GPR160: variants seen among roughly 807,000 people sequenced by gnomAD.
GPR160 encodes probable G protein-coupled receptor 160.
GPR160 carries 2 observed loss-of-function variants against 2.6 expected under a neutral mutation model. The ratio of observed to expected loss-of-function variants is 0.77; its 90% CI spans 0.32 to 2.44. The LOEUF is 2.44. Among genes scored for constraint, GPR160 ranks in the 30% most tolerant of loss-of-function variants. The probability of loss-of-function intolerance (pLI) is 0.11; values close to 1 mark genes in which losing one functional copy is unlikely to be tolerated. For missense variants in GPR160, 351 were observed against 383.6 expected, an observed-to-expected ratio of 0.91 and a Z score of 0.71; for synonymous variants, 130 against 132.2, an observed-to-expected ratio of 0.98 and a Z score of 0.12.
At chr3:170,056,013 T>C (rs1319901906) in intron 2 of GPR160, among the ~76,000 whole-genome samples, 2 of 152,254 alleles carry the variant, frequency 1.3e-5, no homozygotes, top group African/African-American at 4.8e-5. Flanking sequence ...ACTGTTCTTA[T>C]AATCCTTTGT....
At chr3:170,061,929 G>A (rs1276809260) in intron 2 of GPR160, among the ~76,000 whole-genome samples, 1 of 152,110 alleles carries the variant, frequency 6.6e-6, no homozygotes, top group African/African-American at 2.4e-5. Context: ...TGGGAGCATC[G>A]CTTGAGGCCG....
chr3:170,068,369 G>A (rs947283411), intron 2 of GPR160, among the ~76,000 whole-genome samples: 1 of 152,048 alleles, frequency 6.6e-6, no homozygotes, highest in African/African-American at 2.4e-5. Context: ...TGGCCAGGCT[G>A]GTCTCAAACT....
At chr3:170,065,491 GCAT>G (rs1712278012) in intron 2 of GPR160, among the ~76,000 whole-genome samples, 1 of 152,140 alleles carries the variant, frequency 6.6e-6, no homozygotes, top group South Asian at 2.1e-4. Context: ...CTCTTCTAAT[GCAT>G]CCCATTTCCT....
intron 2 of GPR160, among the ~76,000 whole-genome samples, chr3:170,071,688 C>T (rs545077463): frequency 2.0e-5 from 3 of 151,994 alleles, no homozygotes; most frequent in Non-Finnish European, 2.9e-5. Flanking sequence ...CCCAGCTACT[C>T]GGGAGGCTGA....
chr3:170,045,160 T>C (rs76246255), intron 2 of GPR160, among the ~76,000 whole-genome samples: 2,740 of 151,904 alleles, frequency 0.018, 97 homozygotes, highest in African/African-American at 0.063. Context: ...TTTCAGGAAA[T>C]GTCAGGTGCT....
chr3:170,044,455 T>C (rs2108308670), intron 2 of GPR160, among the ~76,000 whole-genome samples: 1 of 152,266 alleles, frequency 6.6e-6, no homozygotes, highest in East Asian at 1.9e-4. Context: ...TCTCCCATGC[T>C]GCCTATTTTC....
chr3:170,052,923 TC>T (rs1717019736), intron 2 of GPR160, among the ~76,000 whole-genome samples: 1 of 152,160 alleles, frequency 6.6e-6, no homozygotes, highest in African/African-American at 2.4e-5. Flanking sequence ...CCTTTTTTTT[TC>T]ATACGGTTAT....
chr3:170,068,597 C>T (rs1273924495), intron 2 of GPR160, among the ~76,000 whole-genome samples: 2 of 152,138 alleles, frequency 1.3e-5, no homozygotes, highest in Non-Finnish European at 2.9e-5. Context: ...AGGAAATTTC[C>T]CAAACATTAT....
In GPR160 at chr3:170,083,943, A is replaced by G. The variant is rs763631806; in HGVS notation, c.-30A>G. 8 of 1,308,178 alleles carry G rather than the reference A, an allele frequency of 6.1e-6. No homozygotes were observed. The South Asian group carries it at 1.3e-4, about 21-fold the overall frequency. The allele number at this position is 1,308,178 out of a possible 1,614,324, so 81.0% of individuals were successfully genotyped here. A position where few individuals can be genotyped will look rare whatever the true frequency, so the allele number is the denominator to read the frequency against. ...AGCAGTGTTTTATCATGTGTATTTC[A>G]GCAGGTCTTCTTGAAATTTAACTAA... On this transcript the variant is annotated 5_prime_UTR_variant, in exon 4 of 4. Transcript: ENST00000355897.
At chr3:170,062,459 G>T in intron 2 of GPR160, 3 of 549,314 alleles carry the variant, frequency 5.5e-6, no homozygotes, top group Non-Finnish European at 3.4e-6. Flanking sequence ...TCCGTTACAC[G>T]TCACGAAGTC....
intron 2 of GPR160, among the ~76,000 whole-genome samples, chr3:170,043,981 T>TA (rs780482305): frequency 7.4e-5 from 11 of 148,950 alleles, no homozygotes; most frequent in African/African-American, 2.7e-4. Context: ...TTTTTTTTTT[T>TA]AACGGTAAGA....
intron 2 of GPR160, among the ~76,000 whole-genome samples, chr3:170,074,103 G>A (rs1712735695): frequency 1.3e-5 from 2 of 151,068 alleles, no homozygotes; most frequent in South Asian, 4.2e-4. Flanking sequence ...TGGCCAGGAT[G>A]GGCTTGAACT....
intron 2 of GPR160, among the ~76,000 whole-genome samples, chr3:170,073,330 TC>T (rs1159186166): frequency 6.6e-6 from 1 of 152,222 alleles, no homozygotes; most frequent in African/African-American, 2.4e-5. Flanking sequence ...AGTCATATGA[TC>T]CTTTTTTAGT....
chr3:170,045,916 C>T (rs181849153), intron 2 of GPR160, among the ~76,000 whole-genome samples: 5 of 152,296 alleles, frequency 3.3e-5, no homozygotes. Context: ...CTCAGTTTCC[C>T]CTATGTAAGC....
At chr3:170,042,622 G>A (rs1457914812) in intron 2 of GPR160, among the ~76,000 whole-genome samples, 1 of 143,316 alleles carries the variant, frequency 7.0e-6, no homozygotes, top group Non-Finnish European at 1.5e-5. Flanking sequence ...GAGGCCAAGA[G>A]TTCAAGACCA....
chr3:170,054,078 A>G (rs944872464), intron 2 of GPR160, among the ~76,000 whole-genome samples: 3 of 150,198 alleles, frequency 2.0e-5, no homozygotes, highest in African/African-American at 7.4e-5. Context: ...AAAATATTTT[A>G]TAAACTAAAA....
At chr3:170,064,514 C>CTTTTT (rs1175382810) in intron 2 of GPR160, among the ~76,000 whole-genome samples, 266 of 80,956 alleles carry the variant, frequency 3.3e-3, no homozygotes, top group African/African-American at 3.8e-3. Flanking sequence ...CTTTTCTTTT[C>CTTTTT]TTTTTTTTTT....
At chr3:170,041,889 CTCT>C (rs765146697) in intron 2 of GPR160, among the ~76,000 whole-genome samples, 8 of 152,174 alleles carry the variant, frequency 5.3e-5, no homozygotes, top group Non-Finnish European at 8.8e-5. Context: ...CTAATGTTTA[CTCT>C]CCTCTGTAGG....
At chr3:170,064,194 ACTT>A (rs1712167235) in intron 2 of GPR160, among the ~76,000 whole-genome samples, 2 of 152,124 alleles carry the variant, frequency 1.3e-5, no homozygotes, top group Admixed American at 1.3e-4. Flanking sequence ...GAAATTACGT[ACTT>A]AATACCCCTG....
Sources: gnomAD v4.1 joint callset for allele counts (sites outside exome capture counted in the v4.1 genomes callset) on GRCh38, gnomAD v4.1.1 for gene constraint, MANE v1.5 for transcripts, NCBI Gene and HGNC (gene_info 2026-07-23, HGNC 2026-07-21) for gene names.